HSP90AA1: variants seen among roughly 807,000 people sequenced by gnomAD.
The protein encoded by HSP90AA1 is heat shock protein 90 alpha family class A member 1, also known as heat shock protein HSP 90-alpha.
In HSP90AA1, 18 loss-of-function variants were observed where a neutral mutation model predicts 73.3. That is an observed-to-expected ratio of 0.25 (90% CI 0.17 to 0.36). The LOEUF (loss-of-function observed/expected upper bound fraction) is 0.36, where lower values mean the gene tolerates loss of function less well. HSP90AA1 is among the 10% of genes least tolerant of loss of function. The pLI, the probability that HSP90AA1 is intolerant of heterozygous loss-of-function variation, is 1.00. For missense variants in HSP90AA1, 704 were observed against 874.2 expected, an observed-to-expected ratio of 0.81 and a Z score of 2.45; for synonymous variants, 477 against 296.9, an observed-to-expected ratio of 1.61 and a Z score of -6.24.
At chr14:102,137,201 A>G (rs1477263124) in intron 1 of HSP90AA1, among the ~76,000 whole-genome samples, 1 of 151,628 alleles carries the variant, frequency 6.6e-6, no homozygotes, top group Non-Finnish European at 1.5e-5. Context: ...AGACTGTGCC[A>G]CTGCACTCCA....
At chr14:102,085,212 G>T (rs1024199449) in intron 4 of HSP90AA1, 86 bp downstream of exon 4, 1 of 1,483,490 alleles carries the variant, frequency 6.7e-7, no homozygotes, top group Non-Finnish European at 9.4e-7. Flanking sequence ...CAGACTAGTT[G>T]AACAGATCTA....
intron 2 of HSP90AA1, among the ~76,000 whole-genome samples, chr14:102,097,054 C>T (rs1386722423): frequency 6.6e-6 from 1 of 152,068 alleles, no homozygotes; most frequent in South Asian, 2.1e-4. Flanking sequence ...GTGGAGTGAT[C>T]TCAGCTCACT....
At chr14:102,096,671 A>G (rs1221947726) in intron 2 of HSP90AA1, among the ~76,000 whole-genome samples, 1 of 152,220 alleles carries the variant, frequency 6.6e-6, no homozygotes, top group East Asian at 1.9e-4. Context: ...GCACACAGCC[A>G]TCTATGTGTG....
chr14:102,083,206 T>C lies in HSP90AA1; in HGVS notation c.1583A>G (p.Tyr528Cys). ...VIYMIEPIDE[Y>C]CVQQLKEFEG... The stretch of plus-strand genomic sequence containing the variant: ...AAATTCCTTCAGCTGTTGGACACAG[T>C]ACTCATCAATGGGCTCAATCATATA... The change falls in exon 9 of 11, where the codon TAC becomes TGC. Residue 528 changes from tyrosine to cysteine, a missense_variant. Tyr to Cys is a radical substitution (Grantham distance 194, BLOSUM62 -2). Coordinates refer to ENST00000216281, the MANE Select transcript of HSP90AA1 (RefSeq NM_005348.4). 1 of 1,614,106 alleles carries C rather than the reference T, an allele frequency of 6.2e-7. No individual in the cohort carries two copies. The highest frequency in any genetic ancestry group is 8.5e-7 in the Non-Finnish European group (1 of 1,179,988).
At chr14:102,111,210 G>A (rs2049637302) in intron 1 of HSP90AA1, among the ~76,000 whole-genome samples, 1 of 152,228 alleles carries the variant, frequency 6.6e-6, no homozygotes, top group Non-Finnish European at 1.5e-5. Flanking sequence ...CATATCAGAA[G>A]TCTTCACGGC....
chr14:102,080,767 AAC>A lies in HSP90AA1; in HGVS notation c.*943_*944del. On this transcript the variant is annotated 3_prime_UTR_variant, in exon 11 of 11. Coordinates refer to ENST00000216281, the MANE Select transcript of HSP90AA1 (RefSeq NM_005348.4). ...GCCAAGGAATTAAGTGACTGTATTT[AAC>A]ACAGAAGGTATTCCATGAATAACAT... The A allele has an allele frequency of 4.6e-6, 1 of 215,150 alleles. No homozygotes were observed. The highest frequency in any genetic ancestry group is 2.2e-5 in the African/African-American group (1 of 44,486). 13.3% of individuals were successfully genotyped at this position (215,150 alleles called of 1,614,324 possible).
At chr14:102,103,240 T>A in intron 1 of HSP90AA1, among the ~76,000 whole-genome samples, 1 of 141,518 alleles carries the variant, frequency 7.1e-6, no homozygotes, top group East Asian at 2.1e-4. Flanking sequence ...TTTTTTTTTT[T>A]CAGATAGGGT....
Position 102,083,950 on chromosome 14 carries a change from A to AG in HSP90AA1, c.1180dup (p.Leu394ProfsTer8), listed in dbSNP as rs1375802897. 6.2e-7 allele frequency: 1 copy of AG among 1,613,980 alleles called. No homozygotes were observed. ...CATCTCACGGGATATGTTTAGAGGG[A>AG]GATCCTCCGAGTCTACCACCCCTCT... is the stretch of plus-strand genomic sequence containing the variant. On this transcript the variant is annotated frameshift_variant, in exon 7 of 11. Transcript: ENST00000216281. LOFTEE classifies it high-confidence loss of function.
At position 102,083,735 on chromosome 14, in the gene HSP90AA1, A is replaced by T. The variant is rs761011687; in HGVS notation, c.1339-42T>A. On this transcript the variant is annotated intron_variant, in intron 7 of 10. Coordinates refer to ENST00000216281, the MANE Select transcript of HSP90AA1 (RefSeq NM_005348.4). ...TCTTTACAAAGACTTTCTGAATTAA[A>T]AAAAAAAAAAAAAAACTAAAGAGGC... 5.3e-6 allele frequency: 8 copies of T among 1,520,506 alleles called. No homozygotes were observed. The East Asian group carries it at 9.5e-5, about 18-fold the overall frequency. The allele number at this position is 1,520,506 out of a possible 1,614,324, so 94.2% of individuals were successfully genotyped here.
At chr14:102,085,554 ACAG>A in intron 3 of HSP90AA1, 123 bp from the exon 4 acceptor site, 5 of 1,202,058 alleles carry the variant, frequency 4.2e-6, no homozygotes, top group Non-Finnish European at 6.1e-6. Flanking sequence ...AAAGGCCACC[ACAG>A]CAGAACCTTT....
At chr14:102,139,246 G>C (rs771422372) in intron 1 of HSP90AA1, 1 of 1,614,074 alleles carries the variant, frequency 6.2e-7, no homozygotes, top group Non-Finnish European at 8.5e-7. Context: ...GAGTCCCTTG[G>C]TACCTTCTCA....
chr14:102,106,537 ATTTTTTTTTTT>A, intron 1 of HSP90AA1, among the ~76,000 whole-genome samples: 1 of 79,834 alleles, frequency 1.3e-5, no homozygotes, highest in South Asian at 4.4e-4. Flanking sequence ...TGTTGAGCTA[ATTTTTTTTTTT>A]TTTTTTTTTT....
At chr14:102,120,341 G>A (rs1419461807) in intron 1 of HSP90AA1, among the ~76,000 whole-genome samples, 1 of 152,056 alleles carries the variant, frequency 6.6e-6, no homozygotes, top group Admixed American at 6.6e-5. Context: ...CCTGGGTGAT[G>A]AAGCGAGACC....
intron 1 of HSP90AA1, among the ~76,000 whole-genome samples, chr14:102,120,622 C>G (rs1051883221): frequency 4.6e-5 from 7 of 151,900 alleles, no homozygotes; most frequent in Admixed American, 4.6e-4. Flanking sequence ...TTTAATAAAA[C>G]CTATTTTGTT....
At chr14:102,127,426 C>A (rs1489885248) in intron 1 of HSP90AA1, among the ~76,000 whole-genome samples, 1 of 152,186 alleles carries the variant, frequency 6.6e-6, no homozygotes, top group Non-Finnish European at 1.5e-5. Flanking sequence ...GTGACTGAGG[C>A]AGAATGTCCC....
chr14:102,098,036 T>C (rs1461798097), intron 2 of HSP90AA1, among the ~76,000 whole-genome samples: 4 of 152,158 alleles, frequency 2.6e-5, no homozygotes. Flanking sequence ...AGGTCAACAT[T>C]ATCCCTTCCG....
chr14:102,094,482 G>T (rs1242227561), intron 2 of HSP90AA1, among the ~76,000 whole-genome samples: 1 of 152,162 alleles, frequency 6.6e-6, no homozygotes, highest in Non-Finnish European at 1.5e-5. Context: ...ATGGTGAGGG[G>T]CACCCCATGC....
chr14:102,084,386 T>C lies in HSP90AA1; in HGVS notation c.1147+13A>G, dbSNP rs1425361914. 6.2e-7 allele frequency: 1 copy of C among 1,609,316 alleles called. No individual in the cohort carries two copies. The highest frequency in any genetic ancestry group is 1.7e-5 in the Admixed American group (1 of 59,890). On this transcript the variant is annotated intron_variant, in intron 6 of 10. Transcript: ENST00000216281. ...AATCAGTGACAGTGATTATTTTTCC[T>C]ATCTATACTTACTCAGATATTCAGG...
At chr14:102,103,265 A>T (rs1057064738) in intron 1 of HSP90AA1, among the ~76,000 whole-genome samples, 1 of 136,162 alleles carries the variant, frequency 7.3e-6, no homozygotes, top group Admixed American at 8.1e-5. Context: ...GTTCTAGTGC[A>T]GTGGCATGAT....
Sources: gnomAD v4.1 joint callset for allele counts (sites outside exome capture counted in the v4.1 genomes callset) on GRCh38, gnomAD v4.1.1 for gene constraint, MANE v1.5 for transcripts, NCBI Gene and HGNC (gene_info 2026-07-23, HGNC 2026-07-21) for gene names.